Variants in PARD3B observed in about 807,000 individuals in gnomAD.
The protein encoded by PARD3B is par-3 family cell polarity regulator beta.
In PARD3B, 103 loss-of-function variants were observed where a neutral mutation model predicts 130.2. The ratio of observed to expected loss-of-function variants is 0.79; its 90% CI spans 0.67 to 0.93. The LOEUF is 0.93. Among genes scored for constraint, PARD3B ranks in the 40% least tolerant of loss-of-function variants. PARD3B has a pLI of 0.00. For synonymous variants in PARD3B, 583 were observed against 553.2 expected, an observed-to-expected ratio of 1.05 and a Z score of -0.76; for missense variants, 1,609 against 1,499.2, an observed-to-expected ratio of 1.07 and a Z score of -1.21.
At chr2:204,821,652 C>A (rs1371521286) in intron 2 of PARD3B, among the ~76,000 whole-genome samples, 1 of 151,236 alleles carries the variant, frequency 6.6e-6, no homozygotes, top group East Asian at 1.9e-4. Context: ...ATGTAACTAA[C>A]CTGCACATTG....
rs2053236495 is a variant in PARD3B, at chr2:205,564,088, T to C, written c.3260+10685T>C. Among the ~76,000 whole-genome samples the C allele has an allele frequency of 6.6e-6, 1 of 152,226 alleles. No individual in the cohort carries two copies. The highest frequency in any genetic ancestry group is 1.5e-5 in the Non-Finnish European group (1 of 68,038). ...GGATGAAGAAACTGAGACTGGGAGA[T>C]GCAAACAGGTGTGGCTAAGATTGCA... On this transcript the variant is annotated intron_variant, in intron 22 of 22. Coordinates refer to ENST00000406610, the MANE Select transcript of PARD3B (RefSeq NM_001302769.2). This position sits in a 1 kb window ranked among gnomAD's most constrained non-coding sequence, Gnocchi z 4.6.
chr2:204,875,117 C>T (rs1223143513), intron 2 of PARD3B, among the ~76,000 whole-genome samples: 1 of 151,978 alleles, frequency 6.6e-6, no homozygotes, highest in Admixed American at 6.6e-5. Flanking sequence ...AACTTACATA[C>T]CAAGAAGTTT....
At chr2:204,806,609 C>G (rs1448414642) in intron 2 of PARD3B, among the ~76,000 whole-genome samples, 1 of 152,082 alleles carries the variant, frequency 6.6e-6, no homozygotes, top group African/African-American at 2.4e-5. Flanking sequence ...AGTAATACTT[C>G]ACAAGCACAG....
chr2:205,102,391 G>A (rs12474194), intron 4 of PARD3B, among the ~76,000 whole-genome samples: 39,918 of 151,086 alleles, frequency 0.26, 6,051 homozygotes, highest in Admixed American at 0.43. Flanking sequence ...TGACATACAT[G>A]ATAATCACAG....
chr2:205,576,800 A>G (rs745437785), intron 22 of PARD3B, among the ~76,000 whole-genome samples: 7 of 152,096 alleles, frequency 4.6e-5, no homozygotes, highest in Admixed American at 1.3e-4. Flanking sequence ...CTGCATATAA[A>G]CTTTAGCATC....
intron 20 of PARD3B, among the ~76,000 whole-genome samples, chr2:205,484,591 T>C (rs1489926165): frequency 6.6e-6 from 1 of 152,194 alleles, no homozygotes; most frequent in African/African-American, 2.4e-5. Context: ...AAACCTCCTG[T>C]TTCTGCAGAT....
chr2:205,193,162 T>G, intron 14 of PARD3B, 43 bp from the exon 15 acceptor site: 2 of 1,425,734 alleles, frequency 1.4e-6, no homozygotes, highest in Non-Finnish European at 2.0e-6. Flanking sequence ...TTTTAAAAGA[T>G]TTTATTCTAA....
chr2:205,247,531 A>C (rs1243656051), intron 16 of PARD3B, among the ~76,000 whole-genome samples: 1 of 152,238 alleles, frequency 6.6e-6, no homozygotes, highest in Non-Finnish European at 1.5e-5. Context: ...TAGTTCCAAC[A>C]GTCTTTATGT....
intron 2 of PARD3B, among the ~76,000 whole-genome samples, chr2:204,698,364 G>A (rs1010968475): frequency 6.6e-6 from 1 of 152,034 alleles, no homozygotes; most frequent in East Asian, 1.9e-4. Context: ...CTTTCTTTCA[G>A]AAGTTTTTGA....
In PARD3B at chr2:205,589,299, A is replaced by C. The variant is rs1040800116; in HGVS notation, c.3261-26157A>C. ...AAGCGAGACCCTGTCTCAATCAATC[A>C]ATCAATCAATCAAATCCTGAGCCAT... On this transcript the variant is annotated intron_variant, in intron 22 of 22. Transcript: ENST00000406610. The surrounding 1 kb of genome is among the most constrained non-coding windows in gnomAD (Gnocchi z 4.1). Among the ~76,000 whole-genome samples the C allele has an allele frequency of 3.3e-5, 5 of 152,124 alleles. No individual in the cohort carries two copies. Among genetic ancestry groups the C allele is most frequent in the Non-Finnish European group, 7.3e-5 (5 of 68,030 alleles).
At chr2:205,048,941 C>T (rs967537819) in intron 4 of PARD3B, among the ~76,000 whole-genome samples, 3 of 152,110 alleles carry the variant, frequency 2.0e-5, no homozygotes, top group Admixed American at 1.3e-4. Flanking sequence ...ACAAACAAAA[C>T]TGGTATGTGG....
chr2:205,599,356 A>G (rs2054693717), intron 22 of PARD3B, among the ~76,000 whole-genome samples: 1 of 152,208 alleles, frequency 6.6e-6, no homozygotes, highest in Admixed American at 6.5e-5. Flanking sequence ...TAAAAAGTCT[A>G]ATGTTCACAC....
chr2:205,520,070 G>A (rs926098441), intron 21 of PARD3B, among the ~76,000 whole-genome samples: 2 of 152,132 alleles, frequency 1.3e-5, no homozygotes, highest in African/African-American at 4.8e-5. Flanking sequence ...CTGCTGCTCT[G>A]GAGAGATCTC....
At chr2:205,153,440 G>C (rs1254156491) in intron 10 of PARD3B, among the ~76,000 whole-genome samples, 1 of 152,128 alleles carries the variant, frequency 6.6e-6, no homozygotes, top group African/African-American at 2.4e-5. Flanking sequence ...TGGATAGGAA[G>C]AATCAATATC....
In PARD3B at chr2:205,128,886, T is replaced by A. The variant is rs1047212008; in HGVS notation, c.1434+3149T>A. 2.6e-5 allele frequency among the ~76,000 whole-genome samples: 4 copies of A among 152,136 alleles called. No individual in the cohort carries two copies. The highest frequency in any genetic ancestry group is 4.8e-5 in the African/African-American group (2 of 41,422). On this transcript the variant is annotated intron_variant, in intron 10 of 22. Coordinates refer to ENST00000406610, the MANE Select transcript of PARD3B (RefSeq NM_001302769.2). The surrounding 1 kb of genome is among the most constrained non-coding windows in gnomAD (Gnocchi z 4.5). The stretch of plus-strand genomic sequence containing the variant: ...ACAACATTTTTATAACCAGTCAAAT[T>A]GATAAGGGAGGCAGCTGTATGTGTT...
intron 1 of PARD3B, among the ~76,000 whole-genome samples, chr2:204,682,924 T>A (rs2036905976): frequency 6.6e-6 from 1 of 152,220 alleles, no homozygotes; most frequent in South Asian, 2.1e-4. Flanking sequence ...TTTCATGTCA[T>A]CTACCCATAG....
chr2:204,546,463 T>C (rs974591825), intron 1 of PARD3B, among the ~76,000 whole-genome samples: 2 of 152,206 alleles, frequency 1.3e-5, no homozygotes, highest in East Asian at 3.9e-4. Flanking sequence ...ACCACTGGTT[T>C]AGAACTTGTT....
intron 1 of PARD3B, among the ~76,000 whole-genome samples, chr2:204,632,916 G>A (rs1204536503): frequency 6.6e-6 from 1 of 152,146 alleles, no homozygotes; most frequent in Non-Finnish European, 1.5e-5. Flanking sequence ...TGAGTGCCAC[G>A]TACAGCAGCT....
chr2:205,488,342 C>T (rs972516798), intron 20 of PARD3B, among the ~76,000 whole-genome samples: 3 of 152,032 alleles, frequency 2.0e-5, no homozygotes, highest in Non-Finnish European at 2.9e-5. Context: ...CCCTTGCATG[C>T]GTGGTTCACC....
Sources: allele counts gnomAD v4.1 joint callset (sites outside exome capture counted in the v4.1 genomes callset), GRCh38; gene constraint gnomAD v4.1.1; non-coding constraint Gnocchi (gnomAD v3.1); transcripts MANE v1.5; gene names NCBI Gene and HGNC (gene_info 2026-07-23, HGNC 2026-07-21).